The following SLC23A1 variants were observed in gnomAD, a reference collection of about 807,000 sequenced individuals.
SLC23A1 encodes solute carrier family 23 member 1.
SLC23A1 carries 31 observed loss-of-function variants against 62.5 expected under a neutral mutation model. The ratio of observed to expected loss-of-function variants is 0.50; its 90% CI spans 0.37 to 0.67. The LOEUF (loss-of-function observed/expected upper bound fraction) is 0.67. Among genes scored for constraint, SLC23A1 ranks in the 30% least tolerant of loss-of-function variants. The pLI is 0.00. For missense variants in SLC23A1, 640 were observed against 782.7 expected (o/e 0.82, Z 2.18); for synonymous variants, 271 against 313.2 (o/e 0.87, Z 1.42).
At chr5:139,370,458 A>G (rs1157628515) in intron 14 of SLC23A1, among the ~76,000 whole-genome samples, 1 of 148,452 alleles carries the variant, frequency 6.7e-6, no homozygotes, top group African/African-American at 2.5e-5. Context: ...GGCGTGAGCC[A>G]CCGCACCCAG....
intron 5 of SLC23A1, 87 bp from the exon 6 acceptor site, chr5:139,380,476 C>T: frequency 6.3e-7 from 1 of 1,594,172 alleles, no homozygotes. Flanking sequence ...TGGACCACCT[C>T]CTCAAATCCC....
chr5:139,378,228 G>A lies in SLC23A1; in HGVS notation c.1303C>T (p.Leu435Phe). ...GCCCGCGCCAGACACTCACCAAAGA[G>A]AGTGCAGAACATGCCCCCCAGGATG... ...DPILGGMFCT[L>F]FGMITAVGLS... Residue 435 changes from leucine (L) to phenylalanine (F), a missense_variant, in exon 11 of 15, where the codon CTC becomes TTC. Coordinates refer to ENST00000348729, the MANE Select transcript of SLC23A1 (RefSeq NM_005847.5). The surrounding 1 kb of genome is among the most constrained non-coding windows in gnomAD (Gnocchi z 4.5). 6.2e-7 allele frequency: 1 copy of A among 1,613,090 alleles called. No individual in the cohort carries two copies. Among genetic ancestry groups the A allele is most frequent in the Non-Finnish European group, 8.5e-7 (1 of 1,179,668 alleles).
chr5:139,383,168 G>GGCCC, intron 1 of SLC23A1, 50 bp downstream of exon 1: 1 of 242,714 alleles, frequency 4.1e-6, no homozygotes, highest in South Asian at 4.3e-5. Context: ...AGGCCCTCCA[G>GGCCC]CCCCCCACCC....
At position 139,380,869 on chromosome 5, in the gene SLC23A1, G is replaced by T; in HGVS notation, c.326C>A (p.Ala109Asp). 1 of 1,510,724 alleles carries T rather than the reference G, an allele frequency of 6.6e-7. No individual in the cohort carries two copies. 93.6% of individuals were successfully genotyped at this position (1,510,724 alleles called of 1,614,324 possible). A position where few individuals can be genotyped will look rare whatever the true frequency, so the allele number is the denominator to read the frequency against. ...TGGAACCAGAAATGCAAAGGCACTG[G>T]CCTGGAACAGCGGCAGCCTGGAGGA... Reference protein sequence around the residue: ...TVGIRLPLFQASAFAFLVPAK... With the variant: ...TVGIRLPLFQDSAFAFLVPAK... Residue 109 changes from alanine (A) to aspartate (D), a missense_variant, in exon 4 of 15, where the codon GCC (alanine) becomes GAC (aspartate). Coordinates refer to ENST00000348729, the MANE Select transcript of SLC23A1 (RefSeq NM_005847.5).
At chr5:139,383,341 G>A (rs888084620), upstream of SLC23A1, 23 of 1,562,656 alleles carry the variant, frequency 1.5e-5, no homozygotes, top group African/African-American at 3.1e-4. Flanking sequence ...CCACATATCA[G>A]GCATTGTTTG....
chr5:139,381,968 T>A lies in SLC23A1; in HGVS notation c.232A>T (p.Met78Leu). Residue 78 changes from methionine to leucine, a missense_variant, in exon 3 of 15, where the codon ATG (methionine) becomes TTG (leucine). Transcript: ENST00000348729. The part of the protein sequence containing the change: ...EALCVGHDQH[M>L]VSQLIGTIFT... ...ATGGTGCCGATGAGCTGACTAACCA[T>A]GTGCTGGTCGTGGCCCACACACAGC... 1 of 1,597,778 alleles carries A rather than the reference T, an allele frequency of 6.3e-7. No homozygotes were observed. The highest frequency in any genetic ancestry group is 8.5e-7 in the Non-Finnish European group (1 of 1,172,590).
At chr5:139,371,537 C>T (rs909893327) in intron 14 of SLC23A1, among the ~76,000 whole-genome samples, 7 of 152,184 alleles carry the variant, frequency 4.6e-5, no homozygotes, top group East Asian at 1.9e-4. Flanking sequence ...AATTTTATGA[C>T]GTTATTGAGA....
intron 13 of SLC23A1, among the ~76,000 whole-genome samples, chr5:139,374,459 CAAA>C (rs891938760): frequency 2.6e-5 from 4 of 151,798 alleles, no homozygotes; most frequent in African/African-American, 7.3e-5. Context: ...AACAAACAAA[CAAA>C]AAAAACAAAT....
rs1758003625 is a variant in SLC23A1 at position 139,377,515 on chromosome 5, G to A, written c.1454-18C>T. ...AAGAATGCCTGTGGAATAGGCCAAG[G>A]GCCAATGGGTGTCATGGCCCAATCT... is the stretch of plus-strand genomic sequence containing the variant. On this transcript the variant is annotated intron_variant, in intron 12 of 14. Coordinates refer to ENST00000348729, the MANE Select transcript of SLC23A1 (RefSeq NM_005847.5). The A allele has an allele frequency of 1.4e-6, 2 of 1,400,636 alleles. No individual in the cohort carries two copies. The highest frequency in any genetic ancestry group is 2.0e-6 in the Non-Finnish European group (2 of 985,178). 86.8% of individuals were successfully genotyped at this position (1,400,636 alleles called of 1,614,324 possible). A position where few individuals can be genotyped will look rare whatever the true frequency, so the allele number is the denominator to read the frequency against.
intron 13 of SLC23A1, among the ~76,000 whole-genome samples, chr5:139,375,877 T>C (rs1757923364): frequency 6.6e-6 from 1 of 151,646 alleles, no homozygotes. Flanking sequence ...CTCACACCTA[T>C]AATCCCAGTA....
At chr5:139,383,931 C>T (rs765617592), upstream of SLC23A1, among the ~76,000 whole-genome samples, 36 of 152,250 alleles carry the variant, frequency 2.4e-4, no homozygotes, top group Non-Finnish European at 3.2e-4. Flanking sequence ...AGCAGATGGG[C>T]CTCTGCAGGC....
intron 13 of SLC23A1, 96 bp downstream of exon 13, chr5:139,377,306 A>G (rs930053895): frequency 1.1e-5 from 8 of 748,110 alleles, no homozygotes; most frequent in Admixed American, 1.9e-5. Context: ...CCTGCATTGC[A>G]TGGGACCTAA....
In SLC23A1 at chr5:139,383,236, G is replaced by A. The variant is rs976981802; in HGVS notation, c.18C>T (p.Asp6=). The change falls in exon 1 of 15, where the codon GAC becomes GAT. Residue 6 remains aspartate, a synonymous_variant. Transcript: ENST00000348729. ...CCAGCACCTGTGTCCGGCCCTCGAG[G>A]TCCTCCTGGGCCCTCATCTTTGGGG... MRAQE[D]LEGRTQHETT... is the part of the protein sequence containing the mutation. 3 of 1,446,312 alleles carry A rather than the reference G, an allele frequency of 2.1e-6. No homozygotes were observed. Among genetic ancestry groups the A allele is most frequent in the Non-Finnish European group, 1.8e-6 (2 of 1,085,712 alleles). 89.6% of individuals were successfully genotyped at this position (1,446,312 alleles called of 1,614,324 possible).
chr5:139,378,189 C>G lies in SLC23A1; in HGVS notation c.1309+33G>C. ...CAGGTGAGTCCCACTCGGCGACCCG[C>G]ACCGCGACCCGTGGCCCGCGCCAGA... On this transcript the variant is annotated intron_variant, in intron 11 of 14. Transcript: ENST00000348729. This position sits in a 1 kb window ranked among gnomAD's most constrained non-coding sequence, Gnocchi z 4.5. 6.2e-7 allele frequency: 1 copy of G among 1,612,928 alleles called. No homozygotes were observed. Among genetic ancestry groups the G allele is most frequent in the Non-Finnish European group, 8.5e-7 (1 of 1,179,452 alleles).
At chr5:139,382,153 G>C in intron 2 of SLC23A1, 104 bp from the exon 3 acceptor site, 1 of 1,207,128 alleles carries the variant, frequency 8.3e-7, no homozygotes, top group Non-Finnish European at 1.2e-6. Context: ...CCTGGAACCG[G>C]CTGCCTGCCC....
chr5:139,379,220 G>C lies in SLC23A1; in HGVS notation c.1060C>G (p.His354Asp). Residue 354 changes from histidine (H) to aspartate (D), a missense_variant, in exon 9 of 15, where the codon CAT (histidine) becomes GAT (aspartate). Physicochemically the swap from His to Asp is moderately conservative, Grantham distance 81. Transcript: ENST00000348729. This position sits in a 1 kb window ranked among gnomAD's most constrained non-coding sequence, Gnocchi z 4.7. Reference protein sequence around the residue: ...RLAGAPPPPVHAINRGIFTEG... With the variant: ...RLAGAPPPPVDAINRGIFTEG... ...CAGGTAGGCTACCTGTTGATAGCAT[G>C]TACTGGAGGGGGTGGTGCACCAGCC... 6.2e-7 allele frequency: 1 copy of C among 1,614,214 alleles called. No individual in the cohort carries two copies. Among genetic ancestry groups the C allele is most frequent in the South Asian group, 1.1e-5 (1 of 91,086 alleles).
At position 139,383,257 on chromosome 5, in the gene SLC23A1, T is replaced by G. The variant is rs1329863701; in HGVS notation, c.-4A>C. ...CGAGGTCCTCCTGGGCCCTCATCTT[T>G]GGGGCACAGGTTTGAGCAGTTCCTG... On this transcript the variant is annotated 5_prime_UTR_variant, in exon 1 of 15. Transcript: ENST00000348729. 6.6e-7 allele frequency: 1 copy of G among 1,518,382 alleles called. No homozygotes were observed. The highest frequency in any genetic ancestry group is 1.4e-5 in the African/African-American group (1 of 69,680). The allele number at this position is 1,518,382 out of a possible 1,614,324, so 94.1% of individuals were successfully genotyped here. A position where few individuals can be genotyped will look rare whatever the true frequency, so the allele number is the denominator to read the frequency against.
intron 14 of SLC23A1, among the ~76,000 whole-genome samples, chr5:139,371,089 A>G (rs888531027): frequency 6.6e-5 from 10 of 152,182 alleles, no homozygotes; most frequent in Admixed American, 5.9e-4. Context: ...CTCAAAAAAA[A>G]AGGAAAAGGG....
At chr5:139,384,445 A>G (rs764181222), upstream of SLC23A1, 1 of 1,289,804 alleles carries the variant, frequency 7.8e-7, no homozygotes, top group African/African-American at 1.5e-5. Context: ...TTCATGCCAC[A>G]GCACTGAGTC....
Sources: gnomAD v4.1 joint callset for allele counts (sites outside exome capture counted in the v4.1 genomes callset) on GRCh38, gnomAD v4.1.1 for gene constraint, Gnocchi (gnomAD v3.1) non-coding constraint, MANE v1.5 for transcripts, NCBI Gene and HGNC (gene_info 2026-07-23, HGNC 2026-07-21) for gene names.